CCDC33: variants seen among roughly 807,000 people sequenced by gnomAD.
CCDC33 encodes the protein coiled-coil domain-containing protein 33.
In CCDC33, 94 loss-of-function variants were observed where a neutral mutation model predicts 91.9. The observed-to-expected ratio is 1.02, with a 90% CI of 0.87 to 1.21. CCDC33 has a LOEUF of 1.21. CCDC33 is among the 50% of genes most tolerant of loss of function. CCDC33 has a pLI of 0.00. For missense variants in CCDC33, 940 were observed against 935.5 expected (o/e 1.00, Z -0.06); for synonymous variants, 396 against 374.5 (o/e 1.06, Z -0.66).
chr15:74,311,726 A>G (rs1325750321), intron 11 of CCDC33: 1 of 152,236 alleles, frequency 6.6e-6, no homozygotes, highest in Non-Finnish European at 1.5e-5. Flanking sequence ...AGTCGGTATC[A>G]TAGGAGTTCT....
chr15:74,264,558 G>T (rs1026711713), intron 3 of CCDC33, among the ~76,000 whole-genome samples: 1 of 152,170 alleles, frequency 6.6e-6, no homozygotes, highest in African/African-American at 2.4e-5. Flanking sequence ...ATCCCAACTG[G>T]ATCTGGGGAC....
intron 1 of CCDC33, 26 bp from the exon 2 acceptor site, chr15:74,243,959 A>C (rs774285235): frequency 1.6e-5 from 25 of 1,531,144 alleles, no homozygotes; most frequent in Admixed American, 4.2e-5. Context: ...AAAAAAAAAA[A>C]CACTCAGCCC....
intron 2 of CCDC33, among the ~76,000 whole-genome samples, chr15:74,246,782 A>G (rs1189478900): frequency 6.6e-6 from 1 of 152,228 alleles, no homozygotes; most frequent in Non-Finnish European, 1.5e-5. Context: ...AGAAATTGAA[A>G]ATAAAACTAC....
chr15:74,271,549 A>G (rs2076316723), intron 5 of CCDC33, among the ~76,000 whole-genome samples, 154 bp from the exon 6 acceptor site: 1 of 152,150 alleles, frequency 6.6e-6, no homozygotes, highest in Admixed American at 6.5e-5. Context: ...GCAAGAACCG[A>G]GTAAGGCAGG....
intron 3 of CCDC33, among the ~76,000 whole-genome samples, chr15:74,263,778 A>ATG (rs773317761): frequency 6.6e-4 from 101 of 152,130 alleles, no homozygotes; most frequent in South Asian, 3.1e-3. Flanking sequence ...TGTGTGTCTT[A>ATG]TGTGTGTGTG....
At chr15:74,232,517 C>T (rs965910591), upstream of CCDC33, among the ~76,000 whole-genome samples, 3 of 152,190 alleles carry the variant, frequency 2.0e-5, no homozygotes, top group South Asian at 6.2e-4. Flanking sequence ...AGAGCCCCCA[C>T]ACTTGGCCTT....
intron 11 of CCDC33, chr15:74,302,998 C>G (rs1232727775): frequency 6.6e-6 from 1 of 152,296 alleles, no homozygotes; most frequent in East Asian, 1.9e-4. Flanking sequence ...TTGGTCCTGC[C>G]CCCAGACCCA....
At position 74,336,049 on chromosome 15, in the gene CCDC33, C is replaced by A. The variant is rs2060561292; in HGVS notation, c.2264C>A (p.Thr755Asn). The change falls in exon 19 of 19, where the codon ACC (threonine) becomes AAC (asparagine). Residue 755 changes from threonine to asparagine, a missense_variant. Thr to Asn is a moderately conservative substitution (Grantham distance 65). Coordinates refer to ENST00000398814, the MANE Select transcript of CCDC33 (RefSeq NM_025055.5). ...AAGGAGACCGCTAACTCTCAGCAGA[C>A]CTGAGCCCCAGAGCAGGCCTCCTTC... ...PQKETANSQQ[T>N] The A allele has an allele frequency of 6.2e-7, 1 of 1,613,772 alleles. No individual in the cohort carries two copies. The highest frequency in any genetic ancestry group is 8.5e-7 in the Non-Finnish European group (1 of 1,179,988).
intron 8 of CCDC33, 151 bp from the exon 9 acceptor site, chr15:74,280,517 C>A: frequency 1.2e-6 from 1 of 849,908 alleles, no homozygotes; most frequent in Non-Finnish European, 1.7e-6. Context: ...GTTCACAAAG[C>A]CCTGAAGATG....
At chr15:74,220,570 C>T (rs2074561678) in intron 2 of CCDC33, among the ~76,000 whole-genome samples, 1 of 152,202 alleles carries the variant, frequency 6.6e-6, no homozygotes, top group Non-Finnish European at 1.5e-5. Context: ...GGACGATGCT[C>T]TTCAGGCTGC....
rs918500320 is a variant in CCDC33, at chr15:74,281,925, G to C, written c.1095+76G>C. On this transcript the variant is annotated intron_variant, in intron 10 of 18. Transcript: ENST00000398814. ...AGATCCAACTTCCTTCACAATTGCT[G>C]GCTTTGTTCAGGGACTTCTGGGAGG... 3 of 1,361,786 alleles carry C rather than the reference G, an allele frequency of 2.2e-6. No homozygotes were observed. The African/African-American group carries it at 4.3e-5, about 20-fold the overall frequency. 84.4% of individuals were successfully genotyped at this position (1,361,786 alleles called of 1,614,324 possible).
chr15:74,305,824 C>G (rs1383182612), intron 11 of CCDC33, among the ~76,000 whole-genome samples: 1 of 152,208 alleles, frequency 6.6e-6, no homozygotes, highest in Non-Finnish European at 1.5e-5. Flanking sequence ...TTTGTGCAGC[C>G]CCAGCAGGTA....
intron 11 of CCDC33, chr15:74,319,557 A>C (rs2060164014): frequency 6.6e-6 from 1 of 152,554 alleles, no homozygotes; most frequent in Non-Finnish European, 1.5e-5. Context: ...ATCTGCTGTC[A>C]GCAGAGGCTG....
chr15:74,282,408 C>T (rs1285753311), intron 10 of CCDC33, among the ~76,000 whole-genome samples: 1 of 152,176 alleles, frequency 6.6e-6, no homozygotes, highest in African/African-American at 2.4e-5. Flanking sequence ...CTGAAGGACG[C>T]CCACATGCCC....
rs1217329392 is a variant in CCDC33, at chr15:74,244,084, C to T, written c.121C>T (p.Leu41Phe). Reference sequence around the variant, plus strand: ...TAAGAAGGAGACCATCATGGTCACCCTCCATGGGGCTACCAACCTGCCTGC... The same window carrying T: ...TAAGAAGGAGACCATCATGGTCACCTTCCATGGGGCTACCAACCTGCCTGC... ...PSKKETIMVT[L>F]HGATNLPACK... is the part of the protein sequence containing the mutation. Residue 41 changes from leucine (L) to phenylalanine (F), a missense_variant, in exon 2 of 19, where the codon CTC (leucine) becomes TTC (phenylalanine). Leu to Phe is a conservative substitution (Grantham distance 22). Transcript: ENST00000398814. This position sits in a 1 kb window ranked among gnomAD's most constrained non-coding sequence, Gnocchi z 4.2. 1.2e-6 allele frequency: 2 copies of T among 1,613,978 alleles called. No homozygotes were observed. Among genetic ancestry groups the T allele is most frequent in the African/African-American group, 1.3e-5 (1 of 74,912 alleles).
At chr15:74,246,367 A>G (rs761031393) in intron 2 of CCDC33, among the ~76,000 whole-genome samples, 12 of 152,248 alleles carry the variant, frequency 7.9e-5, no homozygotes, top group Admixed American at 2.0e-4. Context: ...GGAATAATCC[A>G]CAAAACAAAA....
In CCDC33 at chr15:74,318,219, A is replaced by G. The variant is rs182312758; in HGVS notation, c.1291-11970A>G. ...GAAAGGGGAGACAGGGTATGGGGGT[A>G]ACCAGGAGGCAGAGAAAGTGGAGAA... On this transcript the variant is annotated intron_variant, in intron 11 of 18. Coordinates refer to ENST00000398814, the MANE Select transcript of CCDC33 (RefSeq NM_025055.5). Among the ~76,000 whole-genome samples the G allele has an allele frequency of 2.0e-5, 3 of 151,972 alleles. No homozygotes were observed. In the East Asian group the frequency reaches 5.8e-4, roughly 29 times the overall value.
chr15:74,229,041 C>T (rs2074889784), intron 2 of CCDC33, among the ~76,000 whole-genome samples: 1 of 152,202 alleles, frequency 6.6e-6, no homozygotes, highest in African/African-American at 2.4e-5. Context: ...AGAGCCAACC[C>T]TGAGGCCCTG....
downstream of CCDC33, chr15:74,336,448 T>A: frequency 7.8e-7 from 1 of 1,281,236 alleles, no homozygotes; most frequent in Non-Finnish European, 1.0e-6. Context: ...AAAACATCTA[T>A]CATGTCTGAT....
Sources: allele counts gnomAD v4.1 joint callset (sites outside exome capture counted in the v4.1 genomes callset), GRCh38; gene constraint gnomAD v4.1.1; non-coding constraint Gnocchi (gnomAD v3.1); transcripts MANE v1.5; gene names NCBI Gene and HGNC (gene_info 2026-07-23, HGNC 2026-07-21).